The following STAB2 variants were observed in gnomAD, a reference collection of about 807,000 sequenced individuals.
STAB2 encodes the protein stabilin 2.
STAB2 carries 288 observed loss-of-function variants against 338.1 expected under a neutral mutation model. That is an observed-to-expected ratio of 0.85 (90% CI 0.77 to 0.94). STAB2 has a LOEUF of 0.94. STAB2 is among the 40% of genes least tolerant of loss of function. The pLI is 0.00. For missense variants in STAB2, 3,141 were observed against 3,210.1 expected (o/e 0.98, Z 0.52); for synonymous variants, 1,202 against 1,193.3 (o/e 1.01, Z -0.15).
chr12:103,667,479 C>T (rs563472931), intron 19 of STAB2, among the ~76,000 whole-genome samples: 100 of 152,306 alleles, frequency 6.6e-4, no homozygotes, highest in South Asian at 1.9e-3. Flanking sequence ...GTGGCAGAAC[C>T]ATGATTTGTT....
Position 103,689,910 on chromosome 12 carries a change from A to T in STAB2, c.3110A>T (p.Gln1037Leu), listed in dbSNP as rs1177077722. The T allele has an allele frequency of 6.2e-7, 1 of 1,614,062 alleles. No individual in the cohort carries two copies. Among genetic ancestry groups the T allele is most frequent in the Admixed American group, 1.7e-5 (1 of 60,010 alleles). Residue 1037 changes from glutamine (Q) to leucine (L), a missense_variant, in exon 29 of 69, where the codon CAA (glutamine) becomes CTA (leucine). Transcript: ENST00000388887. The part of the protein sequence containing the change: ...SNLTVLVPSQ[Q>L]ATEDMDQDEK... The stretch of plus-strand genomic sequence containing the variant: ...CTCACTGTCCTCGTGCCTTCCCAAC[A>T]AGCTACTGAGGACATGGACCAGGAT...
In STAB2 at chr12:103,711,596, A is replaced by G. The variant is rs1193576152; in HGVS notation, c.4334+80A>G. On this transcript the variant is annotated intron_variant, in intron 40 of 68. Transcript: ENST00000388887. ...ATTGTCTACCCTAGTCTCTATCCTC[A>G]GGGGATTTGTTTCCTGACACCATTT... The G allele has an allele frequency of 4.6e-5, 70 of 1,506,242 alleles. 1 individual carries two copies. In the East Asian group the frequency reaches 1.6e-3, roughly 35 times the overall value. The allele number at this position is 1,506,242 out of a possible 1,614,324, so 93.3% of individuals were successfully genotyped here.
chr12:103,607,853 G>T (rs1957056526), intron 3 of STAB2, among the ~76,000 whole-genome samples: 1 of 152,300 alleles, frequency 6.6e-6, no homozygotes, highest in Admixed American at 6.5e-5. Context: ...ACATACGTGT[G>T]CATGTGTCTT....
chr12:103,711,113 A>G (rs1320631401), intron 39 of STAB2, among the ~76,000 whole-genome samples: 1 of 152,238 alleles, frequency 6.6e-6, no homozygotes, highest in Non-Finnish European at 1.5e-5. Flanking sequence ...TAGCATAGGA[A>G]ATACAAATAA....
In STAB2 at chr12:103,637,224, A is replaced by G; in HGVS notation, c.697A>G (p.Lys233Glu). ...CCTTCCCAATTACCGAGGCGATGGC[A>G]AATACTGCGACCGTGAGTAGAATTT... ...KCLPNYRGDG[K>E]YCDPINPCLR... Residue 233 changes from lysine (K) to glutamate (E), a missense_variant, in exon 7 of 69, where the codon AAA (lysine) becomes GAA (glutamate). By Grantham distance (56) the Lys-to-Glu change is moderately conservative. Coordinates refer to ENST00000388887, the MANE Select transcript of STAB2 (RefSeq NM_017564.10). 6.2e-7 allele frequency: 1 copy of G among 1,611,776 alleles called. No individual in the cohort carries two copies. The highest frequency in any genetic ancestry group is 2.2e-5 in the East Asian group (1 of 44,816).
At position 103,708,781 on chromosome 12, in the gene STAB2, A is replaced by G. The variant is rs111669765; in HGVS notation, c.4288+245A>G. On this transcript the variant is annotated intron_variant, in intron 39 of 68. Transcript: ENST00000388887. Reference sequence around the variant, plus strand: ...TATATTAGGCTACCAACCTTTTTCTAGGTATATAAGCAAATGTGTAGGGAA... The same window carrying G: ...TATATTAGGCTACCAACCTTTTTCTGGGTATATAAGCAAATGTGTAGGGAA... 9.0e-3 allele frequency among the ~76,000 whole-genome samples: 1,368 copies of G among 152,342 alleles called. 10 individuals carry two copies. The highest frequency in any genetic ancestry group is 0.013 in the Non-Finnish European group (866 of 68,026).
rs373686630 is a variant in STAB2, at chr12:103,739,572, T to TGTGCGC, written c.5754+105_5754+106insTGCGCG. On this transcript the variant is annotated intron_variant, in intron 54 of 68. Coordinates refer to ENST00000388887, the MANE Select transcript of STAB2 (RefSeq NM_017564.10). ...GTGTGTGTGTGTGTGTGTGTGTGTG[T>TGTGCGC]GCCCGTGCACGTATGTTGCATAAAT... The TGTGCGC allele has an allele frequency of 1.0e-4, 77 of 735,776 alleles. No individual in the cohort carries two copies. The African/African-American group carries it at 1.2e-3, about 11-fold the overall frequency. The allele number at this position is 735,776 out of a possible 1,614,324, so 45.6% of individuals were successfully genotyped here.
chr12:103,690,120 C>A, intron 29 of STAB2, 138 bp downstream of exon 29: 1 of 1,261,838 alleles, frequency 7.9e-7, no homozygotes, highest in Non-Finnish European at 1.1e-6. Context: ...CCTTTCCTCC[C>A]ACCCCAGGAT....
At chr12:103,601,149 A>G (rs1329200274) in intron 3 of STAB2, among the ~76,000 whole-genome samples, 3 of 97,044 alleles carry the variant, frequency 3.1e-5, no homozygotes, top group Non-Finnish European at 5.9e-5. Context: ...TTAGATAACA[A>G]CTTCATAAGG....
intron 30 of STAB2, among the ~76,000 whole-genome samples, chr12:103,691,100 T>C (rs1877898714): frequency 6.6e-6 from 1 of 152,238 alleles, no homozygotes; most frequent in Non-Finnish European, 1.5e-5. Flanking sequence ...CTAGAGAAGC[T>C]TATCATCTGG....
At chr12:103,606,583 GC>G (rs747550936) in intron 3 of STAB2, among the ~76,000 whole-genome samples, 3 of 151,810 alleles carry the variant, frequency 2.0e-5, no homozygotes, top group Non-Finnish European at 2.9e-5. Context: ...TCCTTATCTT[GC>G]CTTTGTTTTT....
In STAB2 at chr12:103,755,427, CAA is replaced by C. The variant is rs1566080719; in HGVS notation, c.6841_6842del (p.Lys2281GlufsTer2). 2.5e-6 allele frequency: 4 copies of C among 1,614,132 alleles called. No homozygotes were observed. The South Asian group carries it at 4.4e-5, about 18-fold the overall frequency. On this transcript the variant is annotated frameshift_variant, in exon 62 of 69. Transcript: ENST00000388887. LOFTEE classifies it high-confidence loss of function. The part of the protein sequence containing the change: ...GIVDYGPRPN[K>X]SEMWDVFCYR... ...TAGTGGACTATGGACCTAGACCCAA[CAA>C]GAGTGAAATGTGGGATGTCTTCTGC... is the stretch of plus-strand genomic sequence containing the variant.
intron 50 of STAB2, among the ~76,000 whole-genome samples, chr12:103,732,169 C>A (rs2046365205): frequency 6.6e-6 from 1 of 151,946 alleles, no homozygotes; most frequent in African/African-American, 2.4e-5. Flanking sequence ...ATTAGCTGGG[C>A]ATGATGGCAT....
intron 63 of STAB2, among the ~76,000 whole-genome samples, chr12:103,757,496 A>G (rs1388828692): frequency 6.6e-6 from 1 of 152,272 alleles, no homozygotes; most frequent in Non-Finnish European, 1.5e-5. Context: ...CTAGAAGATG[A>G]TAGATCCAGA....
chr12:103,702,905 G>A (rs950082086), intron 34 of STAB2, among the ~76,000 whole-genome samples: 4 of 152,242 alleles, frequency 2.6e-5, no homozygotes, highest in African/African-American at 9.6e-5. Flanking sequence ...TTACAAAAGA[G>A]AAAATTAAAG....
intron 60 of STAB2, among the ~76,000 whole-genome samples, chr12:103,752,170 A>G (rs1883721140): frequency 6.6e-6 from 1 of 152,218 alleles, no homozygotes; most frequent in African/African-American, 2.4e-5. Context: ...ATTTAACATC[A>G]CAGAAAATTA....
intron 63 of STAB2, 49 bp from the exon 64 acceptor site, chr12:103,758,121 C>T: frequency 6.2e-7 from 1 of 1,611,606 alleles, no homozygotes; most frequent in Non-Finnish European, 8.5e-7. Flanking sequence ...CCACCCAGGT[C>T]CCTGCACACC....
chr12:103,718,212 A>G (rs531089517), intron 44 of STAB2, among the ~76,000 whole-genome samples: 17 of 152,144 alleles, frequency 1.1e-4, no homozygotes, highest in Non-Finnish European at 2.1e-4. Flanking sequence ...TTATTCTCCT[A>G]GACTTACACG....
chr12:103,626,477 T>A (rs1450523766), intron 5 of STAB2, among the ~76,000 whole-genome samples: 2 of 152,156 alleles, frequency 1.3e-5, no homozygotes, highest in Non-Finnish European at 2.9e-5. Flanking sequence ...AATAATAACA[T>A]CTATTTCTTG....
Sources: allele counts gnomAD v4.1 joint callset (sites outside exome capture counted in the v4.1 genomes callset), GRCh38; gene constraint gnomAD v4.1.1; transcripts MANE v1.5; gene names NCBI Gene and HGNC (gene_info 2026-07-23, HGNC 2026-07-21).